Variants in GPD2 observed in about 807,000 individuals in gnomAD.
The protein encoded by GPD2 is glycerol-3-phosphate dehydrogenase 2.
GPD2 carries 54 observed loss-of-function variants against 82.4 expected under a neutral mutation model. The ratio of observed to expected loss-of-function variants is 0.66; its 90% CI spans 0.53 to 0.82. The LOEUF is 0.82. GPD2 is among the 40% of genes least tolerant of loss of function. GPD2 has a pLI of 0.00. For synonymous variants in GPD2, 288 were observed against 306.1 expected, an observed-to-expected ratio of 0.94 and a Z score of 0.62; for missense variants, 748 against 896.2, an observed-to-expected ratio of 0.83 and a Z score of 2.11.
At position 156,585,671 on chromosome 2, in the gene GPD2, A is replaced by G. The variant is rs147826736; in HGVS notation, c.*2753A>G. On this transcript the variant is annotated 3_prime_UTR_variant, in exon 17 of 17. Transcript: ENST00000438166. ...AAATATGTAGCTTCCTCTTTTGTAC[A>G]ACAAAAAACTCATTCTCACTTTTAC... 6.8e-4 allele frequency: 103 copies of G among 152,568 alleles called. No homozygotes were observed. The highest frequency in any genetic ancestry group is 2.5e-3 in the African/African-American group (103 of 41,554). The allele number at this position is 152,568 out of a possible 1,614,324, so 9.5% of individuals were successfully genotyped here.
chr2:156,515,498 A>G lies in GPD2; in HGVS notation c.661+2002A>G, dbSNP rs550508123. Among the ~76,000 whole-genome samples, 5 of 152,336 alleles carry G rather than the reference A, an allele frequency of 3.3e-5. No homozygotes were observed. The South Asian group carries it at 8.3e-4, about 25-fold the overall frequency. ...AGATTCTTATTTGGAATTGTTGTGA[A>G]TTATAGATTCTTATTGATTCTACAT... On this transcript the variant is annotated intron_variant, in intron 6 of 16. Coordinates refer to ENST00000438166, the MANE Select transcript of GPD2 (RefSeq NM_000408.5).
chr2:156,472,519 A>G (rs1405864256), intron 1 of GPD2, among the ~76,000 whole-genome samples: 1 of 152,236 alleles, frequency 6.6e-6, no homozygotes, highest in African/African-American at 2.4e-5. Context: ...ACAAGGTTTC[A>G]GCATGTTGGC....
chr2:156,434,160 G>C (rs1431160922), upstream of GPD2, among the ~76,000 whole-genome samples: 2 of 152,150 alleles, frequency 1.3e-5, no homozygotes, highest in African/African-American at 2.4e-5. Context: ...GTGGAGTTCA[G>C]TGGTGCCATC....
At chr2:156,411,563 G>A in the GPD2 span, among the ~76,000 whole-genome samples, 9 of 151,846 alleles carry the variant, frequency 5.9e-5, no homozygotes, top group African/African-American at 9.7e-5. Context: ...TGATCCACCC[G>A]CCTCAGCCTC....
chr2:156,550,219 C>T (rs1225020649), intron 7 of GPD2, among the ~76,000 whole-genome samples: 4 of 152,188 alleles, frequency 2.6e-5, no homozygotes, highest in African/African-American at 9.7e-5. Flanking sequence ...CAAATTATAT[C>T]GTTTCTTGAA....
At chr2:156,466,389 A>G (rs1272281366) in intron 1 of GPD2, among the ~76,000 whole-genome samples, 3 of 152,222 alleles carry the variant, frequency 2.0e-5, no homozygotes, top group African/African-American at 7.2e-5. Context: ...GGTTATTTGC[A>G]TTTAATGAAT....
chr2:156,448,174 T>G (rs1215919435), intron 1 of GPD2, among the ~76,000 whole-genome samples: 1 of 151,914 alleles, frequency 6.6e-6, no homozygotes, highest in East Asian at 1.9e-4. Context: ...AGTGGCATGA[T>G]CTCGGCTCAT....
intron 16 of GPD2, among the ~76,000 whole-genome samples, chr2:156,580,517 A>G (rs1453605254): frequency 6.6e-6 from 1 of 152,178 alleles, no homozygotes; most frequent in African/African-American, 2.4e-5. Flanking sequence ...TGAAGAATGT[A>G]TTGGGTTTCC....
the GPD2 span, among the ~76,000 whole-genome samples, chr2:156,415,174 T>C: frequency 6.7e-6 from 1 of 150,084 alleles, no homozygotes; most frequent in Non-Finnish European, 1.5e-5. Context: ...TTTTTTTTTT[T>C]TTGAGACAGA....
chr2:156,551,022 T>G (rs1686738541), intron 8 of GPD2, among the ~76,000 whole-genome samples: 1 of 152,250 alleles, frequency 6.6e-6, no homozygotes, highest in South Asian at 2.1e-4. Flanking sequence ...TTGGTATTTT[T>G]GAATTAAACT....
chr2:156,574,338 T>C lies in GPD2; in HGVS notation c.1767+3046T>C, dbSNP rs115889512. ...AGTAAAACCACTTCCTTTAGTGCAA[T>C]TGCAATTAGAACCTTTAAAATGGTT... On this transcript the variant is annotated intron_variant, in intron 13 of 16. Coordinates refer to ENST00000438166, the MANE Select transcript of GPD2 (RefSeq NM_000408.5). 4.3e-3 allele frequency among the ~76,000 whole-genome samples: 661 copies of C among 152,264 alleles called. 1 individual carries two copies. The highest frequency in any genetic ancestry group is 0.015 in the African/African-American group (627 of 41,556).
upstream of GPD2, among the ~76,000 whole-genome samples, chr2:156,431,678 T>C (rs929514351): frequency 3.9e-5 from 6 of 152,108 alleles, no homozygotes; most frequent in Admixed American, 3.9e-4. Context: ...ATTCTTGTTA[T>C]ATTAGGAGCA....
intron 2 of GPD2, among the ~76,000 whole-genome samples, chr2:156,494,528 A>G (rs974543953): frequency 2.0e-5 from 3 of 152,220 alleles, no homozygotes; most frequent in Admixed American, 6.5e-5. Context: ...TAGAAATCCA[A>G]TTGGCCTGAT....
upstream of GPD2, chr2:156,435,440 GT>G (rs1175590351): frequency 1.3e-3 from 190 of 141,754 alleles, no homozygotes; most frequent in Middle Eastern, 7.1e-3. Context: ...GGGCAGGGTC[GT>G]TTTTTTTTTT....
intron 1 of GPD2, among the ~76,000 whole-genome samples, chr2:156,459,750 G>C (rs1043095256): frequency 2.1e-5 from 3 of 144,026 alleles, no homozygotes; most frequent in Non-Finnish European, 4.5e-5. Context: ...AATCTTTTAC[G>C]TAAGGACATT....
chr2:156,439,049 C>G (rs1481043417), intron 1 of GPD2, among the ~76,000 whole-genome samples: 2 of 152,194 alleles, frequency 1.3e-5, no homozygotes, highest in East Asian at 3.9e-4. Context: ...TTGGAAAGAT[C>G]ACCTTTGTTT....
rs1253868286 is a variant in GPD2 at position 156,583,613 on chromosome 2, T to C, written c.*695T>C. Reference sequence around the variant, plus strand: ...CACAGGTATAAGATAAGGATAGCATTGACATTTGCTGGGAGTTACAGTGAT... The same window carrying C: ...CACAGGTATAAGATAAGGATAGCATCGACATTTGCTGGGAGTTACAGTGAT... On this transcript the variant is annotated 3_prime_UTR_variant, in exon 17 of 17. Coordinates refer to ENST00000438166, the MANE Select transcript of GPD2 (RefSeq NM_000408.5). The C allele has an allele frequency of 3.3e-5, 5 of 153,270 alleles. No individual in the cohort carries two copies. Among genetic ancestry groups the C allele is most frequent in the African/African-American group, 1.2e-4 (5 of 41,420 alleles). 9.5% of individuals were successfully genotyped at this position (153,270 alleles called of 1,614,324 possible). A position where few individuals can be genotyped will look rare whatever the true frequency, so the allele number is the denominator to read the frequency against.
intron 1 of GPD2, among the ~76,000 whole-genome samples, chr2:156,457,186 C>T (rs111644826): frequency 1.4e-3 from 212 of 152,218 alleles, no homozygotes; most frequent in African/African-American, 4.9e-3. Flanking sequence ...AGCAACTCCC[C>T]ACCTTCTCTG....
At chr2:156,521,687 A>G (rs76512401) in intron 6 of GPD2, among the ~76,000 whole-genome samples, 5,180 of 152,350 alleles carry the variant, frequency 0.034, 196 homozygotes, top group African/African-American at 0.093. Flanking sequence ...AATATTGCAC[A>G]TATGAACATG....
Sources: allele counts gnomAD v4.1 joint callset (sites outside exome capture counted in the v4.1 genomes callset), GRCh38; gene constraint gnomAD v4.1.1; transcripts MANE v1.5; gene names NCBI Gene and HGNC (gene_info 2026-07-23, HGNC 2026-07-21).